The following PGBD2 variants were observed in gnomAD, a reference collection of about 807,000 sequenced individuals.
The protein encoded by PGBD2 is piggyBac transposable element derived 2, also known as piggyBac transposable element-derived protein 2.
A neutral mutation model predicts 8.1 loss-of-function variants in PGBD2; 6 were observed. The observed-to-expected ratio is 0.74, with a 90% CI of 0.40 to 1.46. PGBD2 has a LOEUF of 1.46. PGBD2 is among the 40% of genes most tolerant of loss of function. The pLI, the probability that PGBD2 is intolerant of heterozygous loss-of-function variation, is 0.02. For synonymous variants in PGBD2, 318 were observed against 272.2 expected, an observed-to-expected ratio of 1.17 and a Z score of -1.66; for missense variants, 802 against 739.0, an observed-to-expected ratio of 1.09 and a Z score of -0.99.
At chr1:248,916,001 C>T (rs1251263031) in intron 2 of PGBD2, among the ~76,000 whole-genome samples, 1 of 152,180 alleles carries the variant, frequency 6.6e-6, no homozygotes, top group African/African-American at 2.4e-5. Context: ...ATGACAGCAG[C>T]ATCTGGATTC....
chr1:248,885,474 C>T, the PGBD2 span, among the ~76,000 whole-genome samples: 4 of 151,964 alleles, frequency 2.6e-5, no homozygotes, highest in Non-Finnish European at 4.4e-5. Context: ...TTTGTTACAT[C>T]AGGAATAGAA....
downstream of PGBD2, among the ~76,000 whole-genome samples, chr1:248,921,062 T>G (rs572665972): frequency 1.1e-3 from 175 of 152,304 alleles, 1 homozygote; most frequent in Non-Finnish European, 1.6e-3. Context: ...ATGAGTAGAT[T>G]GCAAAAATTG....
chr1:248,875,444 A>C, the PGBD2 span, among the ~76,000 whole-genome samples: 6 of 152,166 alleles, frequency 3.9e-5, no homozygotes, highest in Admixed American at 1.3e-4. Context: ...ACATGCTGTC[A>C]TATGCTAGTC....
Position 248,916,850 on chromosome 1 carries a change from A to G in PGBD2, c.266A>G (p.Asp89Gly). ...VLCEDSGTGE[D>G]NDDLELQPAK... ...TGTGAGGACTCTGGCACCGGGGAGG[A>G]TAATGACGACCTGGAGCTGCAGCCA... Residue 89 changes from aspartate to glycine, a missense_variant, in exon 3 of 3, where the codon GAT becomes GGT. Transcript: ENST00000329291. The G allele has an allele frequency of 1.2e-6, 2 of 1,613,982 alleles. No homozygotes were observed. Among genetic ancestry groups the G allele is most frequent in the South Asian group, 2.2e-5 (2 of 91,076 alleles).
upstream of PGBD2, among the ~76,000 whole-genome samples, chr1:248,905,277 C>T (rs1419357843): frequency 1.3e-5 from 2 of 151,704 alleles, no homozygotes; most frequent in African/African-American, 4.9e-5. Context: ...CAAATACAAA[C>T]TCTTCACTAA....
chr1:248,891,770 G>A, the PGBD2 span, among the ~76,000 whole-genome samples: 1 of 152,194 alleles, frequency 6.6e-6, no homozygotes, highest in African/African-American at 2.4e-5. Flanking sequence ...GCTGCAGTGA[G>A]CCAAGATTGA....
At chr1:248,900,853 G>T in the PGBD2 span, among the ~76,000 whole-genome samples, 1 of 152,162 alleles carries the variant, frequency 6.6e-6, no homozygotes, top group African/African-American at 2.4e-5. Flanking sequence ...CATTGGGTCA[G>T]CCCAAAAGCT....
At chr1:248,926,003 C>T in the PGBD2 span, among the ~76,000 whole-genome samples, 1 of 152,132 alleles carries the variant, frequency 6.6e-6, no homozygotes, top group Non-Finnish European at 1.5e-5. Context: ...CAGCTTCACC[C>T]TTCAGAGAAG....
At chr1:248,922,807 T>G (rs548790109), downstream of PGBD2, among the ~76,000 whole-genome samples, 6 of 152,306 alleles carry the variant, frequency 3.9e-5, no homozygotes, top group South Asian at 1.0e-3. Context: ...GGGATGAAGC[T>G]GACTTGATCG....
chr1:248,919,349 C>G (rs1043258030), downstream of PGBD2: 1 of 166,592 alleles, frequency 6.0e-6, no homozygotes, highest in Non-Finnish European at 1.5e-5. Context: ...GTTTGTCTGT[C>G]TTTGCTTGGC....
downstream of PGBD2, among the ~76,000 whole-genome samples, chr1:248,920,519 T>C (rs1662262600): frequency 6.6e-6 from 1 of 152,242 alleles, no homozygotes; most frequent in Admixed American, 6.5e-5. Flanking sequence ...GGTGTATATG[T>C]GCCACATTTT....
At chr1:248,884,119 C>A in the PGBD2 span, among the ~76,000 whole-genome samples, 2 of 151,994 alleles carry the variant, frequency 1.3e-5, no homozygotes, top group African/African-American at 4.8e-5. Context: ...TAGGTAGAGT[C>A]CTAATTTTGT....
chr1:248,925,572 T>G, the PGBD2 span, among the ~76,000 whole-genome samples: 7 of 132,146 alleles, frequency 5.3e-5, no homozygotes, highest in Non-Finnish European at 9.3e-5. Flanking sequence ...TACCATGACT[T>G]TTTTTTTTTT....
At chr1:248,919,335 T>G (rs188645422), downstream of PGBD2, 530 of 166,986 alleles carry the variant, frequency 3.2e-3, 8 homozygotes, top group African/African-American at 0.013. Context: ...TGAGAACATC[T>G]GAAGTTTGTC....
At chr1:248,874,254 G>A in the PGBD2 span, among the ~76,000 whole-genome samples, 1 of 152,266 alleles carries the variant, frequency 6.6e-6, no homozygotes, top group South Asian at 2.1e-4. Context: ...GTCTTCCCTG[G>A]TGGTCTAGTG....
At chr1:248,887,739 G>T in the PGBD2 span, among the ~76,000 whole-genome samples, 1 of 152,124 alleles carries the variant, frequency 6.6e-6, no homozygotes, top group Admixed American at 6.5e-5. Flanking sequence ...TGTGGCAAAA[G>T]TGATTGCGAT....
At chr1:248,913,063 A>G (rs928986929) in intron 1 of PGBD2, among the ~76,000 whole-genome samples, 5 of 152,028 alleles carry the variant, frequency 3.3e-5, no homozygotes, top group Admixed American at 2.6e-4. Context: ...CGGCCTCCCA[A>G]AGTGCTGGGA....
downstream of PGBD2, among the ~76,000 whole-genome samples, chr1:248,922,876 T>C (rs113221675): frequency 3.8e-3 from 577 of 152,294 alleles, 1 homozygote; most frequent in African/African-American, 0.013. Context: ...TTGTTGAGGA[T>C]TTTTGCGTTG....
chr1:248,919,850 CT>C (rs913630514), downstream of PGBD2: 5 of 164,762 alleles, frequency 3.0e-5, no homozygotes, highest in African/African-American at 2.4e-5. Context: ...ATGTTGAGCA[CT>C]TTTTTTATAC....
Sources: gnomAD v4.1 joint callset for allele counts (sites outside exome capture counted in the v4.1 genomes callset) on GRCh38, gnomAD v4.1.1 for gene constraint, MANE v1.5 for transcripts, NCBI Gene and HGNC (gene_info 2026-07-23, HGNC 2026-07-21) for gene names.